The following ZNF787 variants were observed in gnomAD, a reference collection of about 807,000 sequenced individuals.
ZNF787 encodes zinc finger protein 787.
In ZNF787, 7 loss-of-function variants were observed where a neutral mutation model predicts 16.9. The ratio of observed to expected loss-of-function variants is 0.42; its 90% CI spans 0.24 to 0.78. The LOEUF is 0.78. Ranked by LOEUF, ZNF787 falls within the 30% of genes least tolerant of loss-of-function variation. The pLI is 0.30. For missense variants in ZNF787, 551 were observed against 589.3 expected, an observed-to-expected ratio of 0.94 and a Z score of 0.67; for synonymous variants, 345 against 270.9, an observed-to-expected ratio of 1.27 and a Z score of -2.69.
chr19:56,107,450 C>A (rs1045211990), intron 1 of ZNF787, among the ~76,000 whole-genome samples: 1 of 152,134 alleles, frequency 6.6e-6, no homozygotes, highest in East Asian at 1.9e-4. Flanking sequence ...ATAAGGGTCA[C>A]TGGGAGAAAC....
At chr19:56,104,509 G>A (rs1258013675) in intron 1 of ZNF787, among the ~76,000 whole-genome samples, 3 of 150,026 alleles carry the variant, frequency 2.0e-5, no homozygotes, top group Non-Finnish European at 4.4e-5. Flanking sequence ...GCCACGCACA[G>A]TGAGGGTCTC....
chr19:56,093,009 G>A (rs933788997), intron 2 of ZNF787, among the ~76,000 whole-genome samples: 3 of 151,912 alleles, frequency 2.0e-5, no homozygotes, highest in African/African-American at 7.3e-5. Context: ...ATAGACACAG[G>A]AGGTGGCGGA....
chr19:56,088,512 G>A lies in ZNF787; in HGVS notation c.660C>T (p.Ala220=). 1 of 1,419,106 alleles carries A rather than the reference G, an allele frequency of 7.0e-7. No individual in the cohort carries two copies. The highest frequency in any genetic ancestry group is 9.1e-7 in the Non-Finnish European group (1 of 1,093,900). 87.9% of individuals were successfully genotyped at this position (1,419,106 alleles called of 1,614,324 possible). A position where few individuals can be genotyped will look rare whatever the true frequency, so the allele number is the denominator to read the frequency against. Residue 220 remains alanine (A), a synonymous_variant, in exon 3 of 3, where the codon GCC becomes GCT. Transcript: ENST00000610935. This position sits in a 1 kb window ranked among gnomAD's most constrained non-coding sequence, Gnocchi z 8.6. ...CCGCCACCGCCTCTTCGGGCCCCTT[G>A]GCCCGCCGGACGCTAGCCGCCAGCA... ...AKVLAASVRR[A]KGPEEAVAAD... is the part of the protein sequence containing the mutation.
At chr19:56,115,014 C>T (rs1204937262) in intron 1 of ZNF787, among the ~76,000 whole-genome samples, 2 of 152,186 alleles carry the variant, frequency 1.3e-5, no homozygotes, top group Non-Finnish European at 2.9e-5. Flanking sequence ...TGCACCTCCG[C>T]CTGGATCTGC....
Position 56,087,883 on chromosome 19 carries a change from G to A in ZNF787, c.*140C>T, listed in dbSNP as rs1174719508. On this transcript the variant is annotated 3_prime_UTR_variant, in exon 3 of 3. Transcript: ENST00000610935. ...AGTGCCCCCCCACGGACGGCGCAGG[G>A]ACAGAGGAGGGCGGGGAGCCGGGGA... is the stretch of plus-strand genomic sequence containing the variant. The A allele has an allele frequency of 4.8e-6, 6 of 1,257,502 alleles. No individual in the cohort carries two copies. Among genetic ancestry groups the A allele is most frequent in the Admixed American group, 8.8e-5 (2 of 22,812 alleles). The allele number at this position is 1,257,502 out of a possible 1,614,324, so 77.9% of individuals were successfully genotyped here. A position where few individuals can be genotyped will look rare whatever the true frequency, so the allele number is the denominator to read the frequency against.
chr19:56,110,873 C>T (rs569156440), intron 1 of ZNF787, among the ~76,000 whole-genome samples: 1 of 152,322 alleles, frequency 6.6e-6, no homozygotes, highest in East Asian at 1.9e-4. Flanking sequence ...GGATCTGCCG[C>T]GAGCCAGGAG....
Position 56,088,834 on chromosome 19 carries a change from C to T in ZNF787, c.338G>A (p.Arg113Gln). The T allele has an allele frequency of 1.9e-6, 3 of 1,610,252 alleles. No homozygotes were observed. The highest frequency in any genetic ancestry group is 1.1e-5 in the South Asian group (1 of 90,794). Residue 113 changes from arginine (R) to glutamine (Q), a missense_variant, in exon 3 of 3, where the codon CGG becomes CAG. Arg to Gln is a conservative substitution (Grantham distance 43). Coordinates refer to ENST00000610935, the MANE Select transcript of ZNF787 (RefSeq NM_001002836.4). The surrounding 1 kb of genome is among the most constrained non-coding windows in gnomAD (Gnocchi z 8.6). Reference protein sequence around the residue: ...FSQSSHLVQHRRIHTGEKPYA... With the variant: ...FSQSSHLVQHQRIHTGEKPYA... Reference sequence around the variant, plus strand: ...GGGCTTCTCGCCCGTGTGGATGCGCCGGTGCTGCACCAGGTGCGAGCTCTG... The same window carrying T: ...GGGCTTCTCGCCCGTGTGGATGCGCTGGTGCTGCACCAGGTGCGAGCTCTG...
rs1985357599 is a variant in ZNF787, at chr19:56,087,885, CAG to C, written c.*136_*137del. The stretch of plus-strand genomic sequence containing the variant: ...TGCCCCCCCACGGACGGCGCAGGGA[CAG>C]AGGAGGGCGGGGAGCCGGGGATGCC... On this transcript the variant is annotated 3_prime_UTR_variant, in exon 3 of 3. Transcript: ENST00000610935. 21 of 1,260,104 alleles carry C rather than the reference CAG, an allele frequency of 1.7e-5. No individual in the cohort carries two copies. The highest frequency in any genetic ancestry group is 4.4e-5 in the Admixed American group (1 of 22,790). The allele number at this position is 1,260,104 out of a possible 1,614,324, so 78.1% of individuals were successfully genotyped here. A position where few individuals can be genotyped will look rare whatever the true frequency, so the allele number is the denominator to read the frequency against.
Position 56,099,221 on chromosome 19 carries a change from C to T in ZNF787, c.79+3918G>A, listed in dbSNP as rs556708799. ...ACATCCCCTGCAGGGCAGCCCAAAGCCCCTTCCTCCGTGAACGAAGCCTTG... is the reference window on the plus strand; with the variant it reads ...ACATCCCCTGCAGGGCAGCCCAAAGTCCCTTCCTCCGTGAACGAAGCCTTG... On this transcript the variant is annotated intron_variant, in intron 2 of 2. Coordinates refer to ENST00000610935, the MANE Select transcript of ZNF787 (RefSeq NM_001002836.4). Among the ~76,000 whole-genome samples, 404 of 152,322 alleles carry T rather than the reference C, an allele frequency of 2.7e-3. 4 individuals are homozygous for T. The highest frequency in any genetic ancestry group is 0.02 in the Middle Eastern group (6 of 294).
intron 1 of ZNF787, chr19:56,103,598 G>C (rs965437705): frequency 4.1e-6 from 1 of 246,142 alleles, no homozygotes; most frequent in South Asian, 1.3e-4. Flanking sequence ...ACTGTCAAGC[G>C]TACACAAGAC....
intron 2 of ZNF787, among the ~76,000 whole-genome samples, chr19:56,098,828 C>T (rs1418806016): frequency 1.8e-5 from 2 of 110,404 alleles, no homozygotes; most frequent in Non-Finnish European, 4.1e-5. Flanking sequence ...TGATTACGGC[C>T]GCAGGGTGAT....
chr19:56,097,634 G>A (rs946411102), intron 2 of ZNF787, among the ~76,000 whole-genome samples: 1 of 152,230 alleles, frequency 6.6e-6, no homozygotes, highest in Non-Finnish European at 1.5e-5. Context: ...CTTTTATTTT[G>A]GTCTCCTATA....
intron 1 of ZNF787, among the ~76,000 whole-genome samples, chr19:56,117,054 C>G (rs1407610864): frequency 6.6e-6 from 1 of 152,204 alleles, no homozygotes; most frequent in African/African-American, 2.4e-5. Context: ...AGGGTGGGAT[C>G]TGGCCCCCCA....
Position 56,088,345 on chromosome 19 carries a change from G to C in ZNF787, c.827C>G (p.Ala276Gly). The change falls in exon 3 of 3, where the codon GCC becomes GGC. Residue 276 changes from alanine (A) to glycine (G), a missense_variant. Physicochemically the swap from Ala to Gly is moderately conservative, Grantham distance 60 (BLOSUM62 0). Coordinates refer to ENST00000610935, the MANE Select transcript of ZNF787 (RefSeq NM_001002836.4). This position sits in a 1 kb window ranked among gnomAD's most constrained non-coding sequence, Gnocchi z 8.6. ...AAGPRSRRAP[A>G]PKPYVCLECG... ...CTCCAGACACACGTACGGCTTGGGGGCCGGGGCGCGCCGCGACCGGGGCCC... is the reference window on the plus strand; with the variant it reads ...CTCCAGACACACGTACGGCTTGGGGCCCGGGGCGCGCCGCGACCGGGGCCC... The C allele has an allele frequency of 8.5e-7, 1 of 1,170,706 alleles. No homozygotes were observed. Among genetic ancestry groups the C allele is most frequent in the Non-Finnish European group, 1.1e-6 (1 of 946,776 alleles). The allele number at this position is 1,170,706 out of a possible 1,614,324, so 72.5% of individuals were successfully genotyped here.
intron 1 of ZNF787, among the ~76,000 whole-genome samples, chr19:56,109,233 T>G (rs574537453): frequency 6.6e-6 from 1 of 152,318 alleles, no homozygotes; most frequent in East Asian, 1.9e-4. Context: ...GTATCGGAAC[T>G]GGTAGATGGC....
In ZNF787 at chr19:56,088,080, G is replaced by C. The variant is rs1374293699; in HGVS notation, c.1092C>G (p.Asp364Glu). Residue 364 changes from aspartate to glutamate, a missense_variant, in exon 3 of 3, where the codon GAC becomes GAG. Asp to Glu is a conservative substitution (Grantham distance 45). Around this residue, in one of 4 missense-constraint regions of ZNF787, gnomAD observed 392 missense variants for 312.7 expected, o/e 1.25. Transcript: ENST00000610935. This position sits in a 1 kb window ranked among gnomAD's most constrained non-coding sequence, Gnocchi z 8.6. ...YYRAGGEEED[D>E]DDEAAGGRCP... ...ACCGCCCGCCCGCGGCCTCGTCGTC[G>C]TCGTCCTCCTCCTCCCCGCCCGCGC... 1.5e-5 allele frequency: 22 copies of C among 1,485,758 alleles called. No homozygotes were observed. Among genetic ancestry groups the C allele is most frequent in the South Asian group, 2.5e-5 (2 of 80,274 alleles). The allele number at this position is 1,485,758 out of a possible 1,614,324, so 92.0% of individuals were successfully genotyped here.
At position 56,108,133 on chromosome 19, in the gene ZNF787, G is replaced by A. The variant is rs1238938718; in HGVS notation, c.-10-4906C>T. ...TCTGTGCCAGGCACAGAGCCACAGA[G>A]ACTCCCAGGAGACTCTCTCAGCTCC... On this transcript the variant is annotated intron_variant, in intron 1 of 2. Transcript: ENST00000610935. 2.6e-5 allele frequency among the ~76,000 whole-genome samples: 4 copies of A among 152,098 alleles called. 1 individual carries two copies. The South Asian group carries it at 8.3e-4, about 31-fold the overall frequency.
At chr19:56,092,107 C>T (rs1363071604) in intron 2 of ZNF787, among the ~76,000 whole-genome samples, 3 of 152,174 alleles carry the variant, frequency 2.0e-5, no homozygotes, top group Non-Finnish European at 4.4e-5. Context: ...CCTTCTCCAC[C>T]TCACAGCACC....
chr19:56,118,661 A>T (rs1210472940), intron 1 of ZNF787, among the ~76,000 whole-genome samples: 1 of 152,200 alleles, frequency 6.6e-6, no homozygotes, highest in East Asian at 1.9e-4. Flanking sequence ...GTGCACCAGC[A>T]AGTGTTGTCG....
Sources: gnomAD v4.1 joint callset for allele counts (sites outside exome capture counted in the v4.1 genomes callset) on GRCh38, gnomAD v4.1.1 for gene constraint, gnomAD v4.1.1 regional missense constraint, Gnocchi (gnomAD v3.1) non-coding constraint, MANE v1.5 for transcripts, NCBI Gene and HGNC (gene_info 2026-07-23, HGNC 2026-07-21) for gene names.